Variants in ACSS3 observed in about 807,000 individuals in gnomAD.
The protein encoded by ACSS3 is acyl-CoA synthetase short-chain family member 3, mitochondrial.
In ACSS3, 64 loss-of-function variants were observed where a neutral mutation model predicts 84.2. The ratio of observed to expected loss-of-function variants is 0.76; its 90% CI spans 0.62 to 0.94. ACSS3 has a LOEUF of 0.94. ACSS3 is among the 40% of genes least tolerant of loss of function. The probability of loss-of-function intolerance (pLI) is 0.00; values close to 1 mark genes in which losing one functional copy is unlikely to be tolerated. For missense variants in ACSS3, 815 were observed against 867.6 expected, an observed-to-expected ratio of 0.94 and a Z score of 0.76; for synonymous variants, 317 against 310.1, an observed-to-expected ratio of 1.02 and a Z score of -0.23.
chr12:81,178,560 G>T (rs1407566050), intron 8 of ACSS3, among the ~76,000 whole-genome samples: 3 of 151,884 alleles, frequency 2.0e-5, no homozygotes, highest in African/African-American at 7.3e-5. Flanking sequence ...GCAATGAAAA[G>T]AATAAAATAC....
Position 81,083,582 on chromosome 12 carries a change from G to A in ACSS3, c.311+5151G>A, listed in dbSNP as rs532264613. Among the ~76,000 whole-genome samples the A allele has an allele frequency of 2.6e-5, 4 of 151,564 alleles. No homozygotes were observed. In the East Asian group the frequency reaches 6.0e-4, roughly 23 times the overall value. The stretch of plus-strand genomic sequence containing the variant: ...TCACCATGTTGGCCAGGCTAGTCTC[G>A]AACTCCTGACCTCGTGATCCGCTCA... On this transcript the variant is annotated intron_variant, in intron 1 of 15. Coordinates refer to ENST00000548058, the MANE Select transcript of ACSS3 (RefSeq NM_024560.4).
At chr12:81,204,368 C>T (rs2032253932) in intron 9 of ACSS3, among the ~76,000 whole-genome samples, 1 of 150,464 alleles carries the variant, frequency 6.6e-6, no homozygotes, top group African/African-American at 2.4e-5. Flanking sequence ...CTCCCTCCCC[C>T]CTCGTTCTCT....
At chr12:81,088,273 T>C (rs184416477) in intron 1 of ACSS3, among the ~76,000 whole-genome samples, 1 of 152,120 alleles carries the variant, frequency 6.6e-6, no homozygotes, top group Admixed American at 6.6e-5. Flanking sequence ...TGGAGTGGCG[T>C]GAGTGAGAAA....
intron 7 of ACSS3, among the ~76,000 whole-genome samples, chr12:81,157,094 G>C (rs962238679): frequency 6.6e-6 from 1 of 151,958 alleles, no homozygotes; most frequent in Non-Finnish European, 1.5e-5. Context: ...AAGAATTCTT[G>C]ACAAAATATT....
At chr12:81,167,364 C>T (rs535917338) in intron 7 of ACSS3, among the ~76,000 whole-genome samples, 1 of 152,150 alleles carries the variant, frequency 6.6e-6, no homozygotes, top group Non-Finnish European at 1.5e-5. Context: ...GGATACACAC[C>T]CTGCCCTAGT....
At chr12:81,243,931 C>T (rs1011395396) in intron 13 of ACSS3, among the ~76,000 whole-genome samples, 2 of 151,988 alleles carry the variant, frequency 1.3e-5, no homozygotes, top group African/African-American at 4.8e-5. Flanking sequence ...ATTTCTGATG[C>T]TCTTCCTTTA....
intron 7 of ACSS3, among the ~76,000 whole-genome samples, chr12:81,169,336 T>C (rs1286006955): frequency 6.6e-6 from 1 of 152,130 alleles, no homozygotes; most frequent in East Asian, 1.9e-4. Context: ...CATCTGAGGA[T>C]CTTAAGGCAT....
chr12:81,109,767 C>A, intron 2 of ACSS3, 63 bp downstream of exon 2: 1 of 1,320,302 alleles, frequency 7.6e-7, no homozygotes, highest in Non-Finnish European at 1.0e-6. Context: ...AAATAGCATA[C>A]ATTCTCATTG....
intron 13 of ACSS3, among the ~76,000 whole-genome samples, chr12:81,241,522 G>A (rs193040781): frequency 0.016 from 2,407 of 152,154 alleles, 33 homozygotes; most frequent in Admixed American, 0.018. Flanking sequence ...TTTAGTGATC[G>A]CCATTCTAAC....
At chr12:81,181,304 A>G (rs745370368) in intron 8 of ACSS3, among the ~76,000 whole-genome samples, 4 of 152,166 alleles carry the variant, frequency 2.6e-5, no homozygotes, top group Admixed American at 6.5e-5. Context: ...GAGAAGCTGT[A>G]TGGAGACTAC....
chr12:81,156,094 A>T (rs1393378292), intron 7 of ACSS3, among the ~76,000 whole-genome samples: 1 of 152,138 alleles, frequency 6.6e-6, no homozygotes, highest in East Asian at 1.9e-4. Context: ...AAAATTAAAA[A>T]GAGTTAACAG....
At chr12:81,109,441 A>G (rs1412986005) in intron 1 of ACSS3, 119 bp from the exon 2 acceptor site, 11 of 1,077,448 alleles carry the variant, frequency 1.0e-5, no homozygotes, top group Non-Finnish European at 1.4e-5. Context: ...TTGACATAGA[A>G]TGCACTAGGA....
chr12:81,148,094 C>T (rs1423930473), intron 5 of ACSS3, among the ~76,000 whole-genome samples: 7 of 151,738 alleles, frequency 4.6e-5, no homozygotes, highest in Non-Finnish European at 1.5e-5. Context: ...GAAGTTTTGT[C>T]ATGTACTCTA....
At chr12:81,093,296 C>T (rs1881792944) in intron 1 of ACSS3, among the ~76,000 whole-genome samples, 1 of 151,432 alleles carries the variant, frequency 6.6e-6, no homozygotes, top group South Asian at 2.1e-4. Context: ...CTGAAAAATA[C>T]AAAAAAATTA....
Position 81,143,212 on chromosome 12 carries a change from A to G in ACSS3, c.886A>G (p.Ile296Val), listed in dbSNP as rs1214599125. ...TGTTCTTTCAGAACACCCACTGTAT[A>G]TTCTTTACACATCTGGCACAACGGG... ...VPVLSEHPLY[I>V]LYTSGTTGLP... The change falls in exon 5 of 16, where the codon ATT becomes GTT. Residue 296 changes from isoleucine to valine, a missense_variant. Transcript: ENST00000548058. 4 of 1,610,742 alleles carry G rather than the reference A, an allele frequency of 2.5e-6. No homozygotes were observed. In the East Asian group the frequency reaches 6.7e-5, roughly 27 times the overall value.
chr12:81,174,891 G>T lies in ACSS3; in HGVS notation c.1202G>T (p.Arg401Leu). Reference protein sequence around the residue: ...FTAPTAIRAIRQQDPGAALGK... With the variant: ...FTAPTAIRAILQQDPGAALGK... ...GCACCAACTGCAATTAGAGCAATCC[G>T]TCAACAGGACCCTGGGGCAGCTTTG... The change falls in exon 8 of 16, where the codon CGT (arginine) becomes CTT (leucine). Residue 401 changes from arginine (R) to leucine (L), a missense_variant. Arg to Leu is a moderately radical substitution (Grantham distance 102). Transcript: ENST00000548058. 6.2e-7 allele frequency: 1 copy of T among 1,613,920 alleles called. No individual in the cohort carries two copies. The highest frequency in any genetic ancestry group is 8.5e-7 in the Non-Finnish European group (1 of 1,179,896).
intron 2 of ACSS3, among the ~76,000 whole-genome samples, chr12:81,122,682 G>C (rs934445876): frequency 6.6e-6 from 1 of 152,142 alleles, no homozygotes; most frequent in African/African-American, 2.4e-5. Flanking sequence ...TTGGGAAAGT[G>C]TGTACATTAG....
chr12:81,184,609 AAT>A (rs2031145214), intron 8 of ACSS3, among the ~76,000 whole-genome samples: 1 of 151,800 alleles, frequency 6.6e-6, no homozygotes, highest in Admixed American at 6.6e-5. Flanking sequence ...GGCTTCTCAA[AAT>A]AAAGAGGATC....
chr12:81,150,002 AGT>A (rs144352153), intron 5 of ACSS3, among the ~76,000 whole-genome samples: 114 of 152,294 alleles, frequency 7.5e-4, no homozygotes, highest in Middle Eastern at 3.4e-3. Context: ...CGTTTGAAGA[AGT>A]ACTCATCTGA....
Sources: allele counts gnomAD v4.1 joint callset (sites outside exome capture counted in the v4.1 genomes callset), GRCh38; gene constraint gnomAD v4.1.1; transcripts MANE v1.5; gene names NCBI Gene and HGNC (gene_info 2026-07-23, HGNC 2026-07-21).